ROBO2: variants seen among roughly 807,000 people sequenced by gnomAD.
The protein encoded by ROBO2 is roundabout guidance receptor 2.
Under a neutral mutation model 160.8 loss-of-function variants are expected in ROBO2, and 53 were observed. That is an observed-to-expected ratio of 0.33 (90% CI 0.26 to 0.41). The LOEUF (loss-of-function observed/expected upper bound fraction) is 0.41, where lower values mean the gene tolerates loss of function less well. Ranked by LOEUF, ROBO2 falls within the 10% of genes least tolerant of loss-of-function variation. The probability of loss-of-function intolerance (pLI) is 1.00; values close to 1 mark genes in which losing one functional copy is unlikely to be tolerated. For synonymous variants in ROBO2, 664 were observed against 611.7 expected (o/e 1.09, Z -1.26); for missense variants, 1,577 against 1,722.4 (o/e 0.92, Z 1.49).
chr3:76,397,319 T>C (rs1239750567), intron 2 of ROBO2, among the ~76,000 whole-genome samples: 1 of 152,066 alleles, frequency 6.6e-6, no homozygotes, highest in Non-Finnish European at 1.5e-5. Flanking sequence ...ATACAAAAAT[T>C]AATTCAAGGT....
Position 77,262,973 on chromosome 3 carries a change from A to G in ROBO2, c.388+164633A>G, listed in dbSNP as rs2058874619. On this transcript the variant is annotated intron_variant, in intron 2 of 25. Transcript: ENST00000461745. The stretch of plus-strand genomic sequence containing the variant: ...CTTTAATTCATAAAATTCTCACAAC[A>G]GTTTATTTTACATCTGAGAACACTG... 2.6e-5 allele frequency among the ~76,000 whole-genome samples: 4 copies of G among 152,188 alleles called. No homozygotes were observed. In the South Asian group the frequency reaches 8.3e-4, roughly 32 times the overall value.
chr3:77,330,443 G>C (rs1478817646), intron 2 of ROBO2, among the ~76,000 whole-genome samples: 1 of 152,170 alleles, frequency 6.6e-6, no homozygotes, highest in African/African-American at 2.4e-5. Context: ...GCTTGAATCT[G>C]GGAGGTGGAG....
chr3:76,555,295 A>C (rs769701165), intron 2 of ROBO2, among the ~76,000 whole-genome samples: 39 of 150,976 alleles, frequency 2.6e-4, no homozygotes, highest in Middle Eastern at 3.2e-3. Context: ...GAAAAGATTC[A>C]TGAAGAGGTA....
At chr3:77,376,001 G>A (rs1386398996) in intron 2 of ROBO2, among the ~76,000 whole-genome samples, 1 of 152,092 alleles carries the variant, frequency 6.6e-6, no homozygotes, top group East Asian at 1.9e-4. Context: ...TGTGCCTTGA[G>A]TTTCTATGGC....
chr3:76,308,095 T>C (rs1322096693), intron 2 of ROBO2, among the ~76,000 whole-genome samples: 1 of 152,008 alleles, frequency 6.6e-6, no homozygotes. Context: ...TATCCCTACT[T>C]TGGCTGGGCA....
intron 2 of ROBO2, among the ~76,000 whole-genome samples, chr3:76,343,177 G>A (rs1576552788): frequency 6.6e-6 from 1 of 152,036 alleles, no homozygotes; most frequent in Admixed American, 6.6e-5. Context: ...TACGTATGGT[G>A]TGGTATATTT....
chr3:77,180,631 T>C (rs2080685557), intron 2 of ROBO2, among the ~76,000 whole-genome samples: 1 of 151,462 alleles, frequency 6.6e-6, no homozygotes, highest in Admixed American at 6.6e-5. Flanking sequence ...AAAAAAAGAC[T>C]GTAAATGGAA....
intron 2 of ROBO2, among the ~76,000 whole-genome samples, chr3:76,304,423 A>G (rs1031854692): frequency 6.6e-6 from 1 of 152,238 alleles, no homozygotes; most frequent in Non-Finnish European, 1.5e-5. Context: ...TAATGAAACT[A>G]CATATGTATC....
intron 2 of ROBO2, among the ~76,000 whole-genome samples, chr3:76,082,915 T>G (rs1008212026): frequency 6.6e-6 from 1 of 152,058 alleles, no homozygotes; most frequent in Admixed American, 6.6e-5. Context: ...ACCAAGGCGA[T>G]CACCATGGGC....
chr3:76,142,487 G>C (rs1039882317), intron 2 of ROBO2, among the ~76,000 whole-genome samples: 2 of 151,980 alleles, frequency 1.3e-5, no homozygotes, highest in Non-Finnish European at 2.9e-5. Context: ...AGCCACAAAA[G>C]AATGAGATCC....
chr3:77,562,752 G>A lies in ROBO2; in HGVS notation c.1519+20G>A. The stretch of plus-strand genomic sequence containing the variant: ...TGACAGGTGAGGACTTTGTGAATTA[G>A]GAGAAATCTTGGGCCCCTTTTCTGA... On this transcript the variant is annotated intron_variant, in intron 10 of 25. Transcript: ENST00000461745. 6.3e-7 allele frequency: 1 copy of A among 1,580,680 alleles called. No individual in the cohort carries two copies. The highest frequency in any genetic ancestry group is 8.7e-7 in the Non-Finnish European group (1 of 1,150,220).
chr3:77,117,753 A>G (rs1193725365), intron 2 of ROBO2, among the ~76,000 whole-genome samples: 2 of 152,130 alleles, frequency 1.3e-5, no homozygotes, highest in Non-Finnish European at 2.9e-5. Context: ...CTCATTTGTA[A>G]ATCTTTCATG....
chr3:77,234,857 G>T (rs969354847), intron 2 of ROBO2, among the ~76,000 whole-genome samples: 6 of 152,154 alleles, frequency 3.9e-5, no homozygotes, highest in Non-Finnish European at 8.8e-5. Context: ...ATTGGTTGGG[G>T]ACTTTTGGGA....
intron 24 of ROBO2, among the ~76,000 whole-genome samples, chr3:77,636,248 T>C (rs771551853): frequency 2.0e-5 from 3 of 152,064 alleles, no homozygotes; most frequent in Non-Finnish European, 2.9e-5. Flanking sequence ...GGACATAGGG[T>C]CTCTGTCACA....
intron 2 of ROBO2, among the ~76,000 whole-genome samples, chr3:76,441,208 T>A (rs7615433): frequency 6.6e-6 from 1 of 152,088 alleles, no homozygotes; most frequent in Admixed American, 6.5e-5. Context: ...TATTAAGACA[T>A]GGTTTTAATT....
At chr3:76,872,086 A>G (rs2072160713) in intron 2 of ROBO2, among the ~76,000 whole-genome samples, 1 of 152,106 alleles carries the variant, frequency 6.6e-6, no homozygotes, top group Admixed American at 6.6e-5. Context: ...ACAACTTTGC[A>G]TTTTCTTTTA....
chr3:77,030,196 G>A (rs918675877), intron 2 of ROBO2, among the ~76,000 whole-genome samples: 14 of 152,156 alleles, frequency 9.2e-5, no homozygotes, highest in African/African-American at 2.9e-4. Context: ...CGCCTGCCTC[G>A]GCCTCCCAGA....
intron 1 of ROBO2, among the ~76,000 whole-genome samples, chr3:77,059,520 G>A (rs2149754414): frequency 6.6e-6 from 1 of 152,250 alleles, no homozygotes; most frequent in South Asian, 2.1e-4. Flanking sequence ...AACAATTTTG[G>A]TTACAGTGGA....
At chr3:76,004,630 T>TA (rs1267958117) in intron 2 of ROBO2, among the ~76,000 whole-genome samples, 1 of 152,132 alleles carries the variant, frequency 6.6e-6, no homozygotes, top group Non-Finnish European at 1.5e-5. Flanking sequence ...GGGTCTCTTA[T>TA]AAAAAGCTCT....
Sources: allele counts gnomAD v4.1 joint callset (sites outside exome capture counted in the v4.1 genomes callset), GRCh38; gene constraint gnomAD v4.1.1; transcripts MANE v1.5; gene names NCBI Gene and HGNC (gene_info 2026-07-23, HGNC 2026-07-21).